Variants in DOCK3 observed in about 807,000 individuals in gnomAD.
DOCK3 encodes the protein dedicator of cytokinesis protein 3.
DOCK3 carries 60 observed loss-of-function variants against 265.6 expected under a neutral mutation model. That is an observed-to-expected ratio of 0.23 (90% confidence interval 0.18 to 0.28). DOCK3 has a LOEUF of 0.28. Among genes scored for constraint, DOCK3 ranks in the 10% least tolerant of loss-of-function variants. The pLI is 1.00. For synonymous variants in DOCK3, 881 were observed against 938.0 expected (o/e 0.94, Z 1.11); for missense variants, 1,981 against 2,594.3 (o/e 0.76, Z 5.14).
At chr3:51,122,028 G>A (rs975883185) in intron 9 of DOCK3, among the ~76,000 whole-genome samples, 1 of 152,112 alleles carries the variant, frequency 6.6e-6, no homozygotes, top group Non-Finnish European at 1.5e-5. Context: ...CTTGATAACT[G>A]CTCACTGTCC....
At chr3:50,852,073 A>G (rs1037609320) in intron 3 of DOCK3, among the ~76,000 whole-genome samples, 2 of 152,204 alleles carry the variant, frequency 1.3e-5, no homozygotes, top group African/African-American at 4.8e-5. Context: ...GTGGAAAGGT[A>G]AGTTACAGAG....
At chr3:51,356,824 G>A in intron 43 of DOCK3, 138 bp from the exon 44 acceptor site, 1 of 1,022,116 alleles carries the variant, frequency 9.8e-7, no homozygotes, top group Non-Finnish European at 1.4e-6. Context: ...AACAGAAGTG[G>A]AAAGGGTCCA....
At chr3:51,288,903 GGTGTGTGTGTGT>G (rs146598674) in intron 27 of DOCK3, among the ~76,000 whole-genome samples, 1 of 144,176 alleles carries the variant, frequency 6.9e-6, no homozygotes, top group Admixed American at 7.0e-5. Flanking sequence ...TGTGTGTGTG[GGTGTGTGTGTGT>G]GTGTGTGTGT....
chr3:51,029,040 CT>C (rs907283238), intron 5 of DOCK3, among the ~76,000 whole-genome samples: 1 of 151,922 alleles, frequency 6.6e-6, no homozygotes, highest in Non-Finnish European at 1.5e-5. Context: ...GCTGATGTTT[CT>C]TTTTTTAAAA....
intron 4 of DOCK3, among the ~76,000 whole-genome samples, chr3:50,907,117 G>C (rs1401811380): frequency 3.9e-5 from 6 of 152,132 alleles, no homozygotes; most frequent in Admixed American, 1.3e-4. Flanking sequence ...TGTGGTCTGA[G>C]AGACAGTTTG....
intron 5 of DOCK3, among the ~76,000 whole-genome samples, chr3:51,017,193 T>A (rs2079383245): frequency 6.6e-6 from 1 of 150,778 alleles, no homozygotes; most frequent in Non-Finnish European, 1.5e-5. Flanking sequence ...CCACTAATGA[T>A]CCTTTGATTT....
intron 5 of DOCK3, among the ~76,000 whole-genome samples, chr3:50,980,689 G>T (rs2077658124): frequency 6.6e-6 from 1 of 151,970 alleles, no homozygotes; most frequent in Admixed American, 6.6e-5. Flanking sequence ...AATCTTGGTA[G>T]GTTGTATATG....
chr3:50,976,378 T>C (rs1039557885), intron 5 of DOCK3, among the ~76,000 whole-genome samples: 1 of 136,368 alleles, frequency 7.3e-6, no homozygotes, highest in African/African-American at 2.7e-5. Flanking sequence ...ACATCTTTAT[T>C]TCTGCCTTCA....
intron 2 of DOCK3, among the ~76,000 whole-genome samples, chr3:50,820,573 A>G (rs1460860790): frequency 6.6e-6 from 1 of 152,178 alleles, no homozygotes; most frequent in Admixed American, 6.5e-5. Context: ...CCAATCCACC[A>G]TTGATGGGAA....
At position 51,362,542 on chromosome 3, in the gene DOCK3, C is replaced by T. The variant is rs147164126; in HGVS notation, c.5161C>T (p.Pro1721Ser). Reference protein sequence around the residue: ...YHHMQLAYPNPRYQGSVTNVS... With the variant: ...YHHMQLAYPNSRYQGSVTNVS... ...CCCTTTGCAGCTCGCGTATCCCAAC[C>T]CCAGGTACCAAGGCTCAGTCACCAA... is the stretch of plus-strand genomic sequence containing the variant. Residue 1721 changes from proline (P) to serine (S), a missense_variant, in exon 49 of 53, where the codon CCC (proline) becomes TCC (serine). This residue lies in a region of DOCK3 where 1,357 missense variants were observed against 1,866.8 expected (regional missense o/e 0.73). Transcript: ENST00000266037. 4.3e-6 allele frequency: 7 copies of T among 1,614,010 alleles called. No individual in the cohort carries two copies. Among genetic ancestry groups the T allele is most frequent in the Non-Finnish European group, 5.1e-6 (6 of 1,179,896 alleles).
At chr3:51,245,881 C>G (rs1250038548) in intron 21 of DOCK3, among the ~76,000 whole-genome samples, 3 of 152,036 alleles carry the variant, frequency 2.0e-5, no homozygotes, top group African/African-American at 7.2e-5. Context: ...ACTATTTCCC[C>G]CATATTTTCA....
At chr3:50,941,063 G>A (rs904346412) in intron 5 of DOCK3, among the ~76,000 whole-genome samples, 1 of 152,078 alleles carries the variant, frequency 6.6e-6, no homozygotes, top group East Asian at 1.9e-4. Context: ...GAGTAAAAAG[G>A]CAATACATTG....
chr3:51,236,444 G>T lies in DOCK3; in HGVS notation c.2001+16G>T. ...TCAGTCTCTGGTAAGTCACCTTCCTGACTCTTTACTTTTATTAATTATTCC... is the reference window on the plus strand; with the variant it reads ...TCAGTCTCTGGTAAGTCACCTTCCTTACTCTTTACTTTTATTAATTATTCC... On this transcript the variant is annotated intron_variant, in intron 20 of 52. Coordinates refer to ENST00000266037, the MANE Select transcript of DOCK3 (RefSeq NM_004947.5). 1 of 1,594,106 alleles carries T rather than the reference G, an allele frequency of 6.3e-7. No individual in the cohort carries two copies. Among genetic ancestry groups the T allele is most frequent in the South Asian group, 1.1e-5 (1 of 87,604 alleles).
chr3:50,728,483 TAGAC>T (rs1365240559), intron 1 of DOCK3, among the ~76,000 whole-genome samples: 7 of 151,936 alleles, frequency 4.6e-5, no homozygotes, highest in Non-Finnish European at 7.4e-5. Flanking sequence ...AAAGAGAAAA[TAGAC>T]AGATTAGAGA....
At chr3:51,035,461 G>T (rs1477172809) in intron 5 of DOCK3, among the ~76,000 whole-genome samples, 2 of 151,852 alleles carry the variant, frequency 1.3e-5, no homozygotes, top group African/African-American at 4.8e-5. Flanking sequence ...TTCTTATTTT[G>T]TCATTTATTA....
intron 3 of DOCK3, among the ~76,000 whole-genome samples, chr3:50,889,438 C>T (rs1279998647): frequency 1.3e-5 from 2 of 150,386 alleles, no homozygotes; most frequent in Non-Finnish European, 3.0e-5. Context: ...GGGGGCGAAA[C>T]ATTGATTGGA....
intron 9 of DOCK3, among the ~76,000 whole-genome samples, chr3:51,132,842 G>A (rs1213100981): frequency 3.3e-5 from 5 of 152,108 alleles, no homozygotes; most frequent in African/African-American, 1.2e-4. Context: ...CTGAGTTTGT[G>A]AACTCTGATG....
chr3:51,140,583 C>T (rs549306303), intron 9 of DOCK3, among the ~76,000 whole-genome samples: 2 of 152,132 alleles, frequency 1.3e-5, no homozygotes, highest in Non-Finnish European at 2.9e-5. Flanking sequence ...TTTTGTGTGA[C>T]CATATGTTTT....
intron 1 of DOCK3, among the ~76,000 whole-genome samples, chr3:50,698,209 A>G (rs1029885185): frequency 6.6e-6 from 1 of 151,530 alleles, no homozygotes; most frequent in South Asian, 2.1e-4. Flanking sequence ...GGCACCCCCT[A>G]ATTGGCTTTT....
Sources: allele counts gnomAD v4.1 joint callset (sites outside exome capture counted in the v4.1 genomes callset), GRCh38; gene constraint gnomAD v4.1.1; regional missense constraint gnomAD v4.1.1; transcripts MANE v1.5; gene names NCBI Gene and HGNC (gene_info 2026-07-23, HGNC 2026-07-21).